GRM7: variants seen among roughly 807,000 people sequenced by gnomAD.
GRM7 encodes the protein glutamate metabotropic receptor 7, also known as metabotropic glutamate receptor 7.
A neutral mutation model predicts 84.5 loss-of-function variants in GRM7; 35 were observed. The ratio of observed to expected loss-of-function variants is 0.41; its 90% CI spans 0.32 to 0.55. GRM7 has a LOEUF of 0.55. GRM7 is among the 20% of genes least tolerant of loss of function. The pLI is 0.19. For synonymous variants in GRM7, 487 were observed against 455.1 expected, an observed-to-expected ratio of 1.07 and a Z score of -0.89; for missense variants, 1,003 against 1,194.6, an observed-to-expected ratio of 0.84 and a Z score of 2.36.
At chr3:7,012,551 C>G (rs1033340217) in intron 1 of GRM7, among the ~76,000 whole-genome samples, 2 of 152,018 alleles carry the variant, frequency 1.3e-5, no homozygotes, top group Admixed American at 1.3e-4. Context: ...TGACCTTCCC[C>G]CATCCTTCTC....
chr3:7,613,979 G>T (rs1389852238), intron 8 of GRM7, among the ~76,000 whole-genome samples: 1 of 152,134 alleles, frequency 6.6e-6, no homozygotes, highest in Non-Finnish European at 1.5e-5. Flanking sequence ...AAATAAAAAT[G>T]TCAGCTGGGT....
intron 8 of GRM7, among the ~76,000 whole-genome samples, chr3:7,582,514 G>C (rs1194118460): frequency 2.6e-5 from 4 of 152,112 alleles, no homozygotes; most frequent in African/African-American, 4.8e-5. Context: ...CTTTAGATAG[G>C]AGGACCGTGA....
intron 1 of GRM7, among the ~76,000 whole-genome samples, chr3:6,945,895 C>G (rs1575049120): frequency 6.6e-6 from 1 of 152,106 alleles, no homozygotes; most frequent in East Asian, 1.9e-4. Flanking sequence ...CCTTCACCCA[C>G]TTTTTGGTGG....
At chr3:7,367,169 G>T (rs1380116876) in intron 4 of GRM7, among the ~76,000 whole-genome samples, 1 of 151,700 alleles carries the variant, frequency 6.6e-6, no homozygotes, top group African/African-American at 2.4e-5. Context: ...CTTTCTAGAT[G>T]GGAATCCTAA....
At chr3:6,889,092 AC>A (rs1695824848) in intron 1 of GRM7, among the ~76,000 whole-genome samples, 1 of 152,130 alleles carries the variant, frequency 6.6e-6, no homozygotes, top group South Asian at 2.1e-4. Context: ...GTATCCTGAG[AC>A]TTTGCTGAAG....
At chr3:7,260,588 C>T (rs185709499) in intron 2 of GRM7, among the ~76,000 whole-genome samples, 1 of 151,542 alleles carries the variant, frequency 6.6e-6, no homozygotes, top group East Asian at 2.0e-4. Flanking sequence ...TAGATCTTTC[C>T]TGTTTTCTTC....
intron 7 of GRM7, among the ~76,000 whole-genome samples, chr3:7,549,139 T>A (rs567864271): frequency 2.0e-5 from 3 of 152,322 alleles, no homozygotes; most frequent in African/African-American, 7.2e-5. Flanking sequence ...ACAAATGTTA[T>A]GAGTCAGTTT....
chr3:7,074,744 T>G (rs776662995), intron 1 of GRM7, among the ~76,000 whole-genome samples: 6 of 152,156 alleles, frequency 3.9e-5, no homozygotes, highest in Non-Finnish European at 8.8e-5. Context: ...GAAATACCAA[T>G]GTAGAATAAA....
intron 2 of GRM7, among the ~76,000 whole-genome samples, chr3:7,191,851 A>G (rs1047858007): frequency 6.6e-6 from 1 of 152,056 alleles, no homozygotes; most frequent in Non-Finnish European, 1.5e-5. Context: ...ACAACTATAC[A>G]TGCACAAATA....
intron 1 of GRM7, among the ~76,000 whole-genome samples, chr3:7,000,591 C>G (rs1349914704): frequency 6.6e-6 from 1 of 152,198 alleles, no homozygotes; most frequent in Non-Finnish European, 1.5e-5. Flanking sequence ...AATTCCATCT[C>G]TGTCCCTCAT....
intron 5 of GRM7, among the ~76,000 whole-genome samples, chr3:7,432,370 G>T (rs1696864945): frequency 6.6e-6 from 1 of 152,144 alleles, no homozygotes; most frequent in African/African-American, 2.4e-5. Flanking sequence ...GCCCAGGCTG[G>T]AGTGCAGTGG....
At chr3:6,986,170 A>G (rs1345856101) in intron 1 of GRM7, among the ~76,000 whole-genome samples, 1 of 152,220 alleles carries the variant, frequency 6.6e-6, no homozygotes, top group Admixed American at 6.5e-5. Flanking sequence ...ATTTGCTAAG[A>G]GGATAAATCA....
chr3:7,627,690 A>G (rs1254399979), intron 8 of GRM7, among the ~76,000 whole-genome samples: 3 of 152,078 alleles, frequency 2.0e-5, no homozygotes, highest in Non-Finnish European at 4.4e-5. Flanking sequence ...ACAGAAATTT[A>G]TTTGCTCACA....
chr3:7,367,790 T>G lies in GRM7; in HGVS notation c.1034-47233T>G, dbSNP rs142275235. On this transcript the variant is annotated intron_variant, in intron 4 of 9. Coordinates refer to ENST00000357716, the MANE Select transcript of GRM7 (RefSeq NM_000844.4). ...CTGAAAAGAGTCCAGAGAATAAAAT[T>G]CCCTTGTGATCTTGCTGTCAACCAT... is the stretch of plus-strand genomic sequence containing the variant. Among the ~76,000 whole-genome samples, 733 of 151,902 alleles carry G rather than the reference T, an allele frequency of 4.8e-3. 11 individuals are homozygous for G. The highest frequency in any genetic ancestry group is 0.017 in the African/African-American group (708 of 41,482).
At chr3:7,439,433 A>T (rs890699247) in intron 5 of GRM7, among the ~76,000 whole-genome samples, 5 of 152,150 alleles carry the variant, frequency 3.3e-5, no homozygotes, top group African/African-American at 1.2e-4. Flanking sequence ...GAGCCAGAAA[A>T]GGTTGATACT....
intron 1 of GRM7, among the ~76,000 whole-genome samples, chr3:6,986,852 G>T (rs1694430302): frequency 6.6e-6 from 1 of 152,194 alleles, no homozygotes; most frequent in South Asian, 2.1e-4. Context: ...TGAGCTGCAT[G>T]ATTGGAGGGA....
chr3:7,510,711 A>G (rs1227386777), intron 7 of GRM7, among the ~76,000 whole-genome samples: 1 of 152,222 alleles, frequency 6.6e-6, no homozygotes, highest in African/African-American at 2.4e-5. Context: ...CCCACATGCT[A>G]AGAATAGTTT....
At chr3:7,738,514 G>A (rs2106532384) in intron 9 of GRM7, among the ~76,000 whole-genome samples, 1 of 152,212 alleles carries the variant, frequency 6.6e-6, no homozygotes, top group East Asian at 1.9e-4. Context: ...CCCAGCCAAT[G>A]CTCAGCTTTA....
intron 5 of GRM7, among the ~76,000 whole-genome samples, chr3:7,432,534 C>T (rs1434854243): frequency 6.6e-6 from 1 of 151,966 alleles, no homozygotes; most frequent in African/African-American, 2.4e-5. Context: ...GTTAGCCAGG[C>T]TGGTCTCAAA....
Sources: allele counts gnomAD v4.1 joint callset (sites outside exome capture counted in the v4.1 genomes callset), GRCh38; gene constraint gnomAD v4.1.1; transcripts MANE v1.5; gene names NCBI Gene and HGNC (gene_info 2026-07-23, HGNC 2026-07-21).